Variants in ATRX observed in about 807,000 individuals in gnomAD.
The protein encoded by ATRX is ATRX chromatin remodeler, also known as chromatin remodeler ATRX.
ATRX carries 12 observed loss-of-function variants against 172.6 expected under a neutral mutation model. The observed-to-expected ratio is 0.07, with a 90% CI of 0.04 to 0.11. The LOEUF (loss-of-function observed/expected upper bound fraction) is 0.11, where lower values mean the gene tolerates loss of function less well. Among genes scored for constraint, ATRX ranks in the 10% least tolerant of loss-of-function variants. The probability of loss-of-function intolerance (pLI) is 1.00; values close to 1 mark genes in which losing one functional copy is unlikely to be tolerated. For synonymous variants in ATRX, 674 were observed against 594.7 expected (o/e 1.13, Z -1.94); for missense variants, 1,368 against 1,767.4 (o/e 0.77, Z 4.05).
intron 7 of ATRX, among the ~76,000 whole-genome samples, chrX:77,685,614 A>G (rs1292569236): frequency 2.7e-5 from 3 of 112,038 alleles, no homozygotes; most frequent in Non-Finnish European, 5.6e-5. Context: ...TACAATCACT[A>G]TAGAAAACAG....
chrX:77,634,606 A>G lies in ATRX; in HGVS notation c.4797T>C (p.Gly1599=), dbSNP rs782036718. The stretch of plus-strand genomic sequence containing the variant: ...CTTCAGCTCTTACCTGTAAAGTCTT[A>G]CCAAGGCCCATACAGTGGGCAAGAA... ...GCILAHCMGL[G]KTLQVVSFLH... is the part of the protein sequence containing the mutation. The change falls in exon 17 of 35, where the codon GGT becomes GGC. Residue 1599 remains glycine, a synonymous_variant. Transcript: ENST00000373344. 8.3e-7 allele frequency: 1 copy of G among 1,208,002 alleles called. No homozygotes were observed. The highest frequency in any genetic ancestry group is 1.8e-5 in the South Asian group (1 of 56,911).
In ATRX at chrX:77,705,197, G is replaced by C. The variant is rs111806058; in HGVS notation, c.134-6568C>G. On this transcript the variant is annotated intron_variant, in intron 2 of 34. Coordinates refer to ENST00000373344, the MANE Select transcript of ATRX (RefSeq NM_000489.6). ...ACCCGGGAGGGTGGGTCTCCTGCCT[G>C]CTCCATGGAATGAGAGGCCTGGGAC... Among the ~76,000 whole-genome samples, 386 of 111,687 alleles carry C rather than the reference G, an allele frequency of 3.5e-3. 4 individuals carry two copies. Among genetic ancestry groups the C allele is most frequent in the African/African-American group, 0.012 (365 of 30,764 alleles).
rs373789026 is a variant in ATRX at position 77,633,404 on chromosome X, A to G, written c.4957-20T>C. The G allele has an allele frequency of 2.0e-4, 237 of 1,198,368 alleles. No individual in the cohort carries two copies. Among genetic ancestry groups the G allele is most frequent in the Middle Eastern group, 4.7e-4 (2 of 4,298 alleles). On this transcript the variant is annotated intron_variant, in intron 18 of 34. Transcript: ENST00000373344. ...AGAAACCTTTTGTGGGGAAATAAAGATTTTTTTAAGTAGCTACTAAAAACA... is the reference window on the plus strand; with the variant it reads ...AGAAACCTTTTGTGGGGAAATAAAGGTTTTTTTAAGTAGCTACTAAAAACA...
chrX:77,508,680 A>T (rs781994343), intron 34 of ATRX, 51 bp from the exon 35 acceptor site: 2 of 1,186,660 alleles, frequency 1.7e-6, no homozygotes, highest in Admixed American at 2.2e-5. Context: ...GTCTCAAAAG[A>T]GGTATCAAGT....
chrX:77,783,490 A>G (rs2076633962), intron 1 of ATRX, among the ~76,000 whole-genome samples: 1 of 111,701 alleles, frequency 9.0e-6, no homozygotes, highest in Non-Finnish European at 1.9e-5. Flanking sequence ...TCTTCTGGCC[A>G]TTTTTCCACC....
At chrX:77,527,910 G>A (rs782214245) in intron 30 of ATRX, among the ~76,000 whole-genome samples, 4 of 111,510 alleles carry the variant, frequency 3.6e-5, no homozygotes, top group South Asian at 7.7e-4. Context: ...CGCCCACAGC[G>A]CAGTGCAGTG....
At chrX:77,763,221 T>G (rs1230729834) in intron 1 of ATRX, among the ~76,000 whole-genome samples, 1 of 108,903 alleles carries the variant, frequency 9.2e-6, no homozygotes, top group South Asian at 4.0e-4. Flanking sequence ...CTTGGCTCAC[T>G]GAAACCTCCA....
At chrX:77,706,741 T>C (rs782215791) in intron 2 of ATRX, among the ~76,000 whole-genome samples, 1 of 94,891 alleles carries the variant, frequency 1.1e-5, no homozygotes, top group African/African-American at 3.8e-5. Context: ...CTCTAAAAAA[T>C]AAAAAAAAAA....
chrX:77,706,755 T>C (rs1329233767), intron 2 of ATRX, among the ~76,000 whole-genome samples: 9 of 107,749 alleles, frequency 8.4e-5, no homozygotes, highest in Non-Finnish European at 1.3e-4. Context: ...AAAAAAAAAA[T>C]ACTAGCCAGA....
At chrX:77,658,692 G>A (rs782593922) in intron 12 of ATRX, among the ~76,000 whole-genome samples, 9 of 111,979 alleles carry the variant, frequency 8.0e-5, no homozygotes, top group Middle Eastern at 4.6e-3. Context: ...ATATGGCTGT[G>A]TTTCAATAAA....
chrX:77,548,683 T>C (rs1442106502), intron 30 of ATRX, among the ~76,000 whole-genome samples: 1 of 112,792 alleles, frequency 8.9e-6, no homozygotes, highest in East Asian at 2.8e-4. Flanking sequence ...TTTAATGGAA[T>C]GTATTTCACA....
chrX:77,638,422 G>A (rs1462961025), intron 15 of ATRX, among the ~76,000 whole-genome samples: 2 of 112,799 alleles, frequency 1.8e-5, no homozygotes, highest in African/African-American at 3.2e-5. Flanking sequence ...GCGGAGAGCC[G>A]TGATTGCGCC....
At chrX:77,554,793 T>C (rs1381086727) in intron 30 of ATRX, among the ~76,000 whole-genome samples, 1 of 112,274 alleles carries the variant, frequency 8.9e-6, no homozygotes, top group Non-Finnish European at 1.9e-5. Flanking sequence ...AGCACTTCAT[T>C]CTTTCCCTTT....
At chrX:77,741,029 C>T (rs1448161191) in intron 1 of ATRX, among the ~76,000 whole-genome samples, 1 of 75,194 alleles carries the variant, frequency 1.3e-5, no homozygotes, top group Non-Finnish European at 3.1e-5. Context: ...ATAGTGAGAC[C>T]CTGTCTCTAC....
chrX:77,723,999 G>A (rs1557170953), intron 1 of ATRX, among the ~76,000 whole-genome samples: 1 of 111,594 alleles, frequency 9.0e-6, no homozygotes, highest in Non-Finnish European at 1.9e-5. Flanking sequence ...ATGATCAGCA[G>A]GCCAGGCACG....
chrX:77,671,167 AATATATATATATATAT>A (rs3063061), intron 10 of ATRX, among the ~76,000 whole-genome samples: 1 of 15,733 alleles, frequency 6.4e-5, no homozygotes, highest in East Asian at 1.5e-3. Context: ...AAAAAAAAAA[AATATATATATATATAT>A]ATATATATAT....
intron 1 of ATRX, among the ~76,000 whole-genome samples, chrX:77,772,767 G>T (rs1042625479): frequency 9.1e-6 from 1 of 109,903 alleles, no homozygotes; most frequent in Non-Finnish European, 1.9e-5. Flanking sequence ...TCCCAAAGGC[G>T]TGAGTCACCA....
At chrX:77,627,524 G>A (rs2067921245) in intron 19 of ATRX, among the ~76,000 whole-genome samples, 1 of 110,577 alleles carries the variant, frequency 9.0e-6, no homozygotes, top group Non-Finnish European at 1.9e-5. Flanking sequence ...AGGCCAGGAG[G>A]CCAAGACTAA....
intron 15 of ATRX, among the ~76,000 whole-genome samples, chrX:77,640,141 T>A (rs782606041): frequency 9.0e-6 from 1 of 111,204 alleles, no homozygotes; most frequent in Admixed American, 9.5e-5. Flanking sequence ...CACATGGACA[T>A]CAACATGGGA....
Sources: allele counts gnomAD v4.1 joint callset (sites outside exome capture counted in the v4.1 genomes callset), GRCh38; gene constraint gnomAD v4.1.1; transcripts MANE v1.5; gene names NCBI Gene and HGNC (gene_info 2026-07-23, HGNC 2026-07-21).